The following RANBP2 variants were observed in gnomAD, a reference collection of about 807,000 sequenced individuals.
The protein encoded by RANBP2 is E3 SUMO-protein ligase RanBP2.
A neutral mutation model predicts 303.6 loss-of-function variants in RANBP2; 57 were observed. The ratio of observed to expected loss-of-function variants is 0.19; its 90% CI spans 0.15 to 0.23. The LOEUF (loss-of-function observed/expected upper bound fraction) is 0.23, where lower values mean the gene tolerates loss of function less well. Among genes scored for constraint, RANBP2 ranks in the 10% least tolerant of loss-of-function variants. The pLI is 1.00. For missense variants in RANBP2, 3,138 were observed against 3,780.8 expected, an observed-to-expected ratio of 0.83 and a Z score of 4.46; for synonymous variants, 1,167 against 1,301.5, an observed-to-expected ratio of 0.90 and a Z score of 2.23.
chr2:108,839,049 A>G, the RANBP2 span: 2 of 910,616 alleles, frequency 2.2e-6, no homozygotes, highest in Admixed American at 6.3e-5. Context: ...TATAGTTTTA[A>G]AGTGAAGGTT....
chr2:109,473,407 C>T, the RANBP2 span, among the ~76,000 whole-genome samples: 1 of 152,040 alleles, frequency 6.6e-6, no homozygotes, highest in East Asian at 1.9e-4. Context: ...GCATTTGGCA[C>T]CAAATTGGGA....
chr2:108,856,658 T>C, the RANBP2 span: 2 of 749,144 alleles, frequency 2.7e-6, no homozygotes, highest in Non-Finnish European at 4.3e-6. Context: ...AATCTAAATT[T>C]AGACTGTGAT....
chr2:109,622,391 C>T, the RANBP2 span, among the ~76,000 whole-genome samples: 3 of 152,146 alleles, frequency 2.0e-5, no homozygotes, highest in African/African-American at 7.2e-5. Context: ...TAATGAAGTA[C>T]AAATGATACA....
chr2:109,026,962 G>A, the RANBP2 span, among the ~76,000 whole-genome samples: 1 of 152,186 alleles, frequency 6.6e-6, no homozygotes, highest in African/African-American at 2.4e-5. Context: ...TGAAGACATT[G>A]GCCGGGTGTG....
Position 108,767,575 on chromosome 2 carries a change from G to A in RANBP2, c.7036G>A (p.Val2346Ile), listed in dbSNP as rs1242335203. Residue 2346 changes from valine to isoleucine, a missense_variant, in exon 20 of 29, where the codon GTT (valine) becomes ATT (isoleucine). Coordinates refer to ENST00000283195, the MANE Select transcript of RANBP2 (RefSeq NM_006267.5). Reference sequence around the variant, plus strand: ...AAAACTCTACAGATATGATAAAGATGTTGGTCAATGGAAAGAAAGGGGCAT... The same window carrying A: ...AAAACTCTACAGATATGATAAAGATATTGGTCAATGGAAAGAAAGGGGCAT... ...RAKLYRYDKD[V>I]GQWKERGIGD... 6.2e-7 allele frequency: 1 copy of A among 1,611,956 alleles called. No homozygotes were observed. Among genetic ancestry groups the A allele is most frequent in the Admixed American group, 1.7e-5 (1 of 60,012 alleles).
chr2:109,588,663 G>C, the RANBP2 span, among the ~76,000 whole-genome samples: 3 of 151,814 alleles, frequency 2.0e-5, no homozygotes, highest in Admixed American at 2.0e-4. Context: ...GCTAATTTTT[G>C]TATTTTTAAT....
At chr2:109,097,734 A>AGG in the RANBP2 span, among the ~76,000 whole-genome samples, 2 of 59,134 alleles carry the variant, frequency 3.4e-5, no homozygotes, top group African/African-American at 1.1e-4. Flanking sequence ...TGATGTGCTT[A>AGG]GGGTGTGTGT....
chr2:109,538,769 T>C, the RANBP2 span, among the ~76,000 whole-genome samples: 3 of 152,142 alleles, frequency 2.0e-5, no homozygotes, highest in African/African-American at 4.8e-5. Flanking sequence ...AACCACCCCC[T>C]CAGATTCCCA....
chr2:109,430,936 A>G, the RANBP2 span, among the ~76,000 whole-genome samples: 2 of 152,370 alleles, frequency 1.3e-5, no homozygotes, highest in African/African-American at 4.8e-5. Flanking sequence ...AACAAAGGAA[A>G]TAGCCAAGGT....
At chr2:109,197,558 G>A in the RANBP2 span, among the ~76,000 whole-genome samples, 3 of 152,348 alleles carry the variant, frequency 2.0e-5, no homozygotes, top group Middle Eastern at 3.4e-3. Context: ...GCAGGTGGCC[G>A]GGGAGGGGTG....
chr2:109,318,722 C>G, the RANBP2 span, among the ~76,000 whole-genome samples: 1 of 152,144 alleles, frequency 6.6e-6, no homozygotes, highest in Non-Finnish European at 1.5e-5. Context: ...GCTGCCCTGG[C>G]CAGCCGCCAG....
chr2:109,106,018 T>C, the RANBP2 span, among the ~76,000 whole-genome samples: 1 of 150,978 alleles, frequency 6.6e-6, no homozygotes, highest in African/African-American at 2.5e-5. Context: ...CATGCCCGGC[T>C]AATTTTTTTT....
chr2:109,078,128 T>TTTGCAACAACGTGGGAC, the RANBP2 span, among the ~76,000 whole-genome samples: 7 of 113,340 alleles, frequency 6.2e-5, no homozygotes, highest in Non-Finnish European at 1.2e-4. Flanking sequence ...AGCGTGTATA[T>TTTGCAACAACGTGGGAC]ATATATAGCG....
the RANBP2 span, among the ~76,000 whole-genome samples, chr2:108,820,467 A>G: frequency 6.6e-6 from 1 of 152,180 alleles, no homozygotes; most frequent in African/African-American, 2.4e-5. Flanking sequence ...GAGGAAAGAA[A>G]TAGGCATACA....
the RANBP2 span, chr2:109,544,392 G>GC: frequency 1.3e-6 from 2 of 1,536,706 alleles, no homozygotes; most frequent in African/African-American, 2.8e-5. Context: ...TAGCAAACAT[G>GC]CATCTAGTAT....
the RANBP2 span, among the ~76,000 whole-genome samples, chr2:108,969,213 CTTT>C: frequency 6.8e-6 from 1 of 148,126 alleles, no homozygotes; most frequent in Non-Finnish European, 1.5e-5. Flanking sequence ...TGACAACCTT[CTTT>C]TTTTTTTTCC....
At chr2:109,011,993 G>A in the RANBP2 span, among the ~76,000 whole-genome samples, 1 of 152,182 alleles carries the variant, frequency 6.6e-6, no homozygotes, top group Non-Finnish European at 1.5e-5. Context: ...TAATGCCAGT[G>A]TGATTGCAAG....
At chr2:108,739,759 G>A (rs1438186160) in intron 6 of RANBP2, among the ~76,000 whole-genome samples, 2 of 152,186 alleles carry the variant, frequency 1.3e-5, no homozygotes, top group Non-Finnish European at 2.9e-5. Context: ...ACTGAGGTGG[G>A]TGGATTGTGA....
At chr2:109,255,423 A>G in the RANBP2 span, among the ~76,000 whole-genome samples, 1 of 152,302 alleles carries the variant, frequency 6.6e-6, no homozygotes, top group East Asian at 1.9e-4. Context: ...AATGATCAGT[A>G]TGAAGGTCTG....
Sources: allele counts gnomAD v4.1 joint callset (sites outside exome capture counted in the v4.1 genomes callset), GRCh38; gene constraint gnomAD v4.1.1; transcripts MANE v1.5; gene names NCBI Gene and HGNC (gene_info 2026-07-23, HGNC 2026-07-21).